Variants in CREBRF observed in about 807,000 individuals in gnomAD.
CREBRF encodes UPF0474 protein C5orf41.
Under a neutral mutation model 66.1 loss-of-function variants are expected in CREBRF, and 5 were observed. The observed-to-expected ratio is 0.08, with a 90% CI of 0.04 to 0.16. The LOEUF is 0.16. Among genes scored for constraint, CREBRF ranks in the 10% least tolerant of loss-of-function variants. CREBRF has a pLI of 1.00. For missense variants in CREBRF, 531 were observed against 744.9 expected, an observed-to-expected ratio of 0.71 and a Z score of 3.34; for synonymous variants, 229 against 264.4, an observed-to-expected ratio of 0.87 and a Z score of 1.30.
intron 7 of CREBRF, among the ~76,000 whole-genome samples, chr5:173,117,394 A>G (rs67602718): frequency 8.9e-5 from 13 of 145,894 alleles, no homozygotes; most frequent in East Asian, 5.9e-4. Context: ...AAAAAAAAAA[A>G]TAAGTAAGTA....
At chr5:173,085,285 T>G in intron 2 of CREBRF, 1 of 683,926 alleles carries the variant, frequency 1.5e-6, no homozygotes, top group Admixed American at 2.6e-5. Flanking sequence ...AAACACTGCT[T>G]TTAGTATGAT....
chr5:173,072,868 G>A (rs980461848), intron 1 of CREBRF, among the ~76,000 whole-genome samples: 1 of 152,166 alleles, frequency 6.6e-6, no homozygotes, highest in African/African-American at 2.4e-5. Context: ...AGATGCATTT[G>A]TGCTCAGTAC....
At chr5:173,064,504 C>G (rs1314409675) in intron 1 of CREBRF, among the ~76,000 whole-genome samples, 1 of 152,078 alleles carries the variant, frequency 6.6e-6, no homozygotes, top group Non-Finnish European at 1.5e-5. Flanking sequence ...CTGCCTCAGC[C>G]TCCTGAGCCT....
intron 7 of CREBRF, among the ~76,000 whole-genome samples, chr5:173,118,935 T>C (rs951029801): frequency 1.3e-5 from 2 of 151,958 alleles, no homozygotes; most frequent in African/African-American, 2.4e-5. Flanking sequence ...GGGGTCTCGC[T>C]GTCTTGCCTC....
At chr5:173,122,696 C>T (rs1355634361) in intron 7 of CREBRF, among the ~76,000 whole-genome samples, 1 of 145,742 alleles carries the variant, frequency 6.9e-6, no homozygotes, top group East Asian at 2.0e-4. Context: ...GTGCTGCACC[C>T]ATTAACTCGT....
At chr5:173,071,275 G>A (rs1384938397) in intron 1 of CREBRF, among the ~76,000 whole-genome samples, 3 of 152,098 alleles carry the variant, frequency 2.0e-5, no homozygotes, top group African/African-American at 7.2e-5. Context: ...GCAGCGCCAT[G>A]ATCTCGCATC....
At chr5:173,083,690 G>C (rs1035444000) in intron 2 of CREBRF, among the ~76,000 whole-genome samples, 1 of 152,198 alleles carries the variant, frequency 6.6e-6, no homozygotes, top group Non-Finnish European at 1.5e-5. Flanking sequence ...CCTAGGAAAA[G>C]ACAGGGAATT....
intron 1 of CREBRF, among the ~76,000 whole-genome samples, chr5:173,077,369 T>G (rs1211503697): frequency 6.6e-6 from 1 of 152,178 alleles, no homozygotes; most frequent in Non-Finnish European, 1.5e-5. Flanking sequence ...TTGAGAAGTG[T>G]TGTGTAACCA....
chr5:173,070,186 A>G (rs1000510943), intron 1 of CREBRF, among the ~76,000 whole-genome samples: 1 of 152,058 alleles, frequency 6.6e-6, no homozygotes, highest in African/African-American at 2.4e-5. Context: ...GAACCACTGT[A>G]CCTTGCCCCT....
At chr5:173,128,866 C>T (rs960221615) in intron 8 of CREBRF, among the ~76,000 whole-genome samples, 9 of 151,260 alleles carry the variant, frequency 6.0e-5, no homozygotes, top group East Asian at 1.9e-4. Context: ...CCTTATGCTC[C>T]GCCTCCCGGG....
chr5:173,123,261 T>C, intron 8 of CREBRF, 59 bp downstream of exon 8: 1 of 1,502,292 alleles, frequency 6.7e-7, no homozygotes, highest in Non-Finnish European at 8.9e-7. Flanking sequence ...ATGTATGATT[T>C]AAGGGGATAT....
chr5:173,063,791 C>T (rs2113660761), intron 1 of CREBRF, among the ~76,000 whole-genome samples: 2 of 151,844 alleles, frequency 1.3e-5, no homozygotes, highest in Middle Eastern at 6.8e-3. Flanking sequence ...GGTGTAATCT[C>T]TGCCCCTGCG....
At chr5:173,101,537 T>C (rs914034360) in intron 4 of CREBRF, among the ~76,000 whole-genome samples, 5 of 152,190 alleles carry the variant, frequency 3.3e-5, no homozygotes, top group African/African-American at 1.2e-4. Context: ...TTGATTATAA[T>C]GTGTCTTAGT....
At chr5:173,074,838 C>T (rs1339303769) in intron 1 of CREBRF, among the ~76,000 whole-genome samples, 1 of 152,116 alleles carries the variant, frequency 6.6e-6, no homozygotes, top group African/African-American at 2.4e-5. Context: ...CCAGGCTGGT[C>T]TCGAACTCCT....
chr5:173,099,363 C>T (rs549666580), intron 4 of CREBRF, among the ~76,000 whole-genome samples: 1 of 152,242 alleles, frequency 6.6e-6, no homozygotes, highest in East Asian at 1.9e-4. Flanking sequence ...CCTATGTTGC[C>T]TAGGCTGGTC....
intron 4 of CREBRF, among the ~76,000 whole-genome samples, chr5:173,100,718 TC>T (rs1315108416): frequency 1.3e-5 from 2 of 152,036 alleles, no homozygotes; most frequent in South Asian, 2.1e-4. Flanking sequence ...GCCACACCGC[TC>T]CCCCCCAACC....
chr5:173,119,330 A>G (rs1387390659), intron 7 of CREBRF, among the ~76,000 whole-genome samples: 2 of 152,104 alleles, frequency 1.3e-5, no homozygotes, highest in Non-Finnish European at 2.9e-5. Context: ...CTACCTAGCT[A>G]AGTCTTCTTT....
At chr5:173,069,400 C>T (rs192520778) in intron 1 of CREBRF, among the ~76,000 whole-genome samples, 51 of 151,796 alleles carry the variant, frequency 3.4e-4, no homozygotes, top group African/African-American at 1.2e-3. Context: ...AGTGCAGTGC[C>T]GCAATCTCTA....
chr5:173,103,556 G>A (rs1758677104), intron 4 of CREBRF, among the ~76,000 whole-genome samples: 1 of 152,162 alleles, frequency 6.6e-6, no homozygotes, highest in African/African-American at 2.4e-5. Flanking sequence ...AGTTTACAAA[G>A]GTCCTTTTGT....
Sources: allele counts gnomAD v4.1 joint callset (sites outside exome capture counted in the v4.1 genomes callset), GRCh38; gene constraint gnomAD v4.1.1; transcripts MANE v1.5; gene names NCBI Gene and HGNC (gene_info 2026-07-23, HGNC 2026-07-21).